The following CSMD1 variants were observed in gnomAD, a reference collection of about 807,000 sequenced individuals.
The protein encoded by CSMD1 is CUB and Sushi multiple domains 1, also known as CUB and sushi domain-containing protein 1.
In CSMD1, 213 loss-of-function variants were observed where a neutral mutation model predicts 417.5. That is an observed-to-expected ratio of 0.51 (90% CI 0.46 to 0.57). The LOEUF is 0.57. CSMD1 is among the 20% of genes least tolerant of loss of function. The pLI, the probability that CSMD1 is intolerant of heterozygous loss-of-function variation, is 0.00. For missense variants in CSMD1, 6,923 were observed against 4,529.7 expected (o/e 1.53, Z -15.17); for synonymous variants, 2,862 against 1,736.8 (o/e 1.65, Z -16.11).
intron 10 of CSMD1, among the ~76,000 whole-genome samples, chr8:3,539,166 C>T (rs747439811): frequency 1.3e-5 from 2 of 152,116 alleles, no homozygotes; most frequent in Admixed American, 6.5e-5. Context: ...ATGTTCTGGC[C>T]GCAGGGCTCT....
At chr8:4,808,021 C>A (rs978081943) in intron 1 of CSMD1, among the ~76,000 whole-genome samples, 2 of 152,290 alleles carry the variant, frequency 1.3e-5, no homozygotes, top group African/African-American at 2.4e-5. Flanking sequence ...CCATTGCTCT[C>A]GCCCATAGAT....
chr8:4,669,452 A>T (rs1472894833), intron 1 of CSMD1, among the ~76,000 whole-genome samples: 1 of 152,202 alleles, frequency 6.6e-6, no homozygotes, highest in African/African-American at 2.4e-5. Flanking sequence ...CTGAGGAACA[A>T]CTACTTGGAA....
intron 3 of CSMD1, among the ~76,000 whole-genome samples, chr8:4,062,724 T>C (rs1799041057): frequency 6.6e-6 from 1 of 151,736 alleles, no homozygotes; most frequent in South Asian, 2.1e-4. Context: ...CTGATCAGCA[T>C]TATCAAATTC....
rs4875731 is a variant in CSMD1 at position 3,102,350 on chromosome 8, G to C, written c.6949+4178C>G. On this transcript the variant is annotated intron_variant, in intron 46 of 69. Transcript: ENST00000635120. Reference sequence around the variant, plus strand: ...AGAATGACAGCTAAGATCACTCTCCGGTTGTTTTAAACAAATTGACTCGTG... The same window carrying C: ...AGAATGACAGCTAAGATCACTCTCCCGTTGTTTTAAACAAATTGACTCGTG... 2.6e-5 allele frequency among the ~76,000 whole-genome samples: 4 copies of C among 151,918 alleles called. No homozygotes were observed. The East Asian group carries it at 7.7e-4, about 29-fold the overall frequency.
intron 41 of CSMD1, among the ~76,000 whole-genome samples, chr8:3,127,053 T>C (rs1181461091): frequency 2.0e-5 from 3 of 152,188 alleles, no homozygotes; most frequent in Non-Finnish European, 4.4e-5. Flanking sequence ...AAGGAGTAGA[T>C]GCCTGTGATC....
intron 3 of CSMD1, among the ~76,000 whole-genome samples, chr8:4,036,040 T>G (rs946239343): frequency 6.6e-6 from 1 of 152,230 alleles, no homozygotes; most frequent in African/African-American, 2.4e-5. Flanking sequence ...ACACATATAC[T>G]GACCATTATG....
At chr8:3,697,008 G>A (rs1800590389) in intron 7 of CSMD1, among the ~76,000 whole-genome samples, 1 of 152,158 alleles carries the variant, frequency 6.6e-6, no homozygotes, top group African/African-American at 2.4e-5. Context: ...TAGGTCATGG[G>A]TTCTGGTGAA....
At chr8:4,327,019 C>T (rs1263352955) in intron 3 of CSMD1, among the ~76,000 whole-genome samples, 2 of 152,070 alleles carry the variant, frequency 1.3e-5, no homozygotes, top group African/African-American at 4.8e-5. Context: ...GAGAACCAGA[C>T]CACAGAAGGT....
chr8:3,775,761 C>G (rs564586026), intron 5 of CSMD1, among the ~76,000 whole-genome samples: 2 of 152,306 alleles, frequency 1.3e-5, no homozygotes, highest in South Asian at 2.1e-4. Flanking sequence ...GTTTTACTGC[C>G]TTAATCTACA....
intron 5 of CSMD1, among the ~76,000 whole-genome samples, chr8:3,855,944 G>C (rs544268730): frequency 6.6e-6 from 1 of 152,146 alleles, no homozygotes; most frequent in Non-Finnish European, 1.5e-5. Flanking sequence ...TTGAATCCCA[G>C]AAGCATCTCC....
intron 3 of CSMD1, among the ~76,000 whole-genome samples, chr8:4,363,561 G>A (rs566570070): frequency 6.6e-6 from 1 of 152,240 alleles, no homozygotes; most frequent in Non-Finnish European, 1.5e-5. Flanking sequence ...ACAGATTGTA[G>A]GAAACAGGAG....
At chr8:4,930,718 A>T (rs926193847) in intron 1 of CSMD1, among the ~76,000 whole-genome samples, 1 of 152,188 alleles carries the variant, frequency 6.6e-6, no homozygotes, top group Non-Finnish European at 1.5e-5. Flanking sequence ...AATACCATAT[A>T]ATTGTTACTT....
intron 1 of CSMD1, among the ~76,000 whole-genome samples, chr8:4,972,248 G>C (rs1339356053): frequency 6.6e-6 from 1 of 150,900 alleles, no homozygotes; most frequent in African/African-American, 2.5e-5. Context: ...CAAAACCATG[G>C]AATGGGACAC....
intron 2 of CSMD1, among the ~76,000 whole-genome samples, chr8:4,468,028 A>T (rs1251890260): frequency 6.6e-6 from 1 of 151,380 alleles, no homozygotes; most frequent in Non-Finnish European, 1.5e-5. Flanking sequence ...CATCTCTCAC[A>T]TGGGTTACTC....
At chr8:4,116,518 TGAGTG>T (rs1802158316) in intron 3 of CSMD1, among the ~76,000 whole-genome samples, 1 of 60,096 alleles carries the variant, frequency 1.7e-5, no homozygotes, top group Non-Finnish European at 3.1e-5. Flanking sequence ...CGGCGATGTA[TGAGTG>T]CAGGTACCTG....
At chr8:4,814,881 C>G (rs973876111) in intron 1 of CSMD1, among the ~76,000 whole-genome samples, 1 of 152,238 alleles carries the variant, frequency 6.6e-6, no homozygotes, top group East Asian at 1.9e-4. Context: ...TCATATTTCA[C>G]TGATAAAAAC....
At chr8:4,533,012 C>T (rs1432861582) in intron 2 of CSMD1, among the ~76,000 whole-genome samples, 1 of 152,166 alleles carries the variant, frequency 6.6e-6, no homozygotes, top group Non-Finnish European at 1.5e-5. Flanking sequence ...CCCCTACTCA[C>T]AGTCACTCCG....
At chr8:4,863,678 T>A (rs1330292239) in intron 1 of CSMD1, among the ~76,000 whole-genome samples, 1 of 152,072 alleles carries the variant, frequency 6.6e-6, no homozygotes, top group Non-Finnish European at 1.5e-5. Flanking sequence ...TCTAAATGTG[T>A]GCATATCTTA....
intron 3 of CSMD1, among the ~76,000 whole-genome samples, chr8:4,255,408 C>T (rs756762303): frequency 7.2e-5 from 11 of 152,124 alleles, no homozygotes; most frequent in Non-Finnish European, 1.3e-4. Flanking sequence ...ACGCAATATG[C>T]AAACAGTAAA....
Sources: allele counts gnomAD v4.1 joint callset (sites outside exome capture counted in the v4.1 genomes callset), GRCh38; gene constraint gnomAD v4.1.1; transcripts MANE v1.5; gene names NCBI Gene and HGNC (gene_info 2026-07-23, HGNC 2026-07-21).